The following OR5D3 variants were observed in gnomAD, a reference collection of about 807,000 sequenced individuals.
OR5D3 encodes olfactory receptor 5D3.
At chr11:55,726,664 T>C in the OR5D3 span, 2 of 399,918 alleles carry the variant, frequency 5.0e-6, no homozygotes, top group Non-Finnish European at 8.8e-6. Context: ...ATCATACTCT[T>C]GGAGTTTAGT....
At chr11:55,728,276 C>G in the OR5D3 span, 2 of 151,964 alleles carry the variant, frequency 1.3e-5, no homozygotes. Flanking sequence ...CGTCCAAGCC[C>G]CAAAGCAAGA....
the OR5D3 span, chr11:55,729,181 C>T: frequency 6.6e-6 from 1 of 151,540 alleles, no homozygotes; most frequent in African/African-American, 2.4e-5. Context: ...ATGCAATTTC[C>T]CCCCCAAATT....
At chr11:55,726,297 C>A in the OR5D3 span, 1 of 426,662 alleles carries the variant, frequency 2.3e-6, no homozygotes, top group Non-Finnish European at 4.2e-6. Flanking sequence ...TACCCCTGTT[C>A]CTGGTCTTCC....
the OR5D3 span, chr11:55,729,333 G>T: frequency 6.6e-6 from 1 of 151,848 alleles, no homozygotes; most frequent in Non-Finnish European, 1.5e-5. Flanking sequence ...TTTGTATGCT[G>T]CTCTTCTTTT....
the OR5D3 span, chr11:55,726,745 G>A: frequency 2.5e-6 from 1 of 398,774 alleles, no homozygotes; most frequent in African/African-American, 2.1e-5. Context: ...TAATAACTTT[G>A]TCTGTGAGCA....
the OR5D3 span, chr11:55,726,963 T>A: frequency 2.5e-6 from 1 of 400,438 alleles, no homozygotes; most frequent in Non-Finnish European, 4.4e-6. Flanking sequence ...CCATTACCAT[T>A]TTCCATGGGA....
chr11:55,726,160 A>G, the OR5D3 span: 1 of 397,976 alleles, frequency 2.5e-6, no homozygotes, highest in Non-Finnish European at 4.4e-6. Context: ...TCTGTTTCTT[A>G]TTGCACATAT....
the OR5D3 span, chr11:55,724,120 G>A: frequency 1.3e-5 from 5 of 395,176 alleles, no homozygotes; most frequent in South Asian, 1.3e-4. Context: ...GGTAATCTTA[G>A]TACCAGACAA....
the OR5D3 span, chr11:55,723,823 T>C: frequency 8.4e-6 from 3 of 357,786 alleles, no homozygotes; most frequent in East Asian, 1.2e-4. Context: ...AGTTTGGTGC[T>C]AGGACTTAGT....
At chr11:55,727,671 C>G in the OR5D3 span, 1 of 151,942 alleles carries the variant, frequency 6.6e-6, no homozygotes, top group Non-Finnish European at 1.5e-5. Context: ...TTAAGTTATA[C>G]TTGGTATTAT....
the OR5D3 span, chr11:55,727,078 A>G: frequency 4.9e-6 from 2 of 404,212 alleles, no homozygotes; most frequent in Non-Finnish European, 8.8e-6. Context: ...GAACCCCTTG[A>G]TCTATAGCCT....
At chr11:55,727,658 A>T in the OR5D3 span, 111,943 of 151,822 alleles carry the variant, frequency 0.74, 41,648 homozygotes, top group South Asian at 0.86. Context: ...GAATCTGGTA[A>T]AGTTAAGTTA....
the OR5D3 span, among the ~76,000 whole-genome samples, chr11:55,725,505 C>CA: frequency 4.6e-5 from 7 of 152,150 alleles, no homozygotes; most frequent in East Asian, 1.3e-3. Context: ...AAATGAAAAA[C>CA]TTTTCATTTA....
chr11:55,727,072 C>G, the OR5D3 span: 1 of 404,456 alleles, frequency 2.5e-6, no homozygotes. Context: ...CATGCTGAAC[C>G]CCTTGATCTA....
the OR5D3 span, chr11:55,726,761 C>T: frequency 5.0e-6 from 2 of 398,876 alleles, no homozygotes; most frequent in Non-Finnish European, 8.8e-6. Context: ...GAGCACGCTG[C>T]CATTGTTGCT....
At chr11:55,723,851 T>G in the OR5D3 span, 28 of 369,814 alleles carry the variant, frequency 7.6e-5, no homozygotes, top group East Asian at 1.1e-3. Context: ...TGTGACCTTA[T>G]CTCTGCTATC....
the OR5D3 span, chr11:55,726,354 G>A: frequency 2.1e-6 from 1 of 466,204 alleles, no homozygotes; most frequent in Non-Finnish European, 3.9e-6. Flanking sequence ...GCATGATCAT[G>A]GTCATCAGGA....
At chr11:55,723,786 G>A in the OR5D3 span, 2 of 332,158 alleles carry the variant, frequency 6.0e-6, no homozygotes, top group African/African-American at 4.3e-5. Flanking sequence ...AGGTCCCCAA[G>A]GCCTTGGGGG....
At chr11:55,726,505 A>G in the OR5D3 span, 1 of 438,240 alleles carries the variant, frequency 2.3e-6, no homozygotes, top group Non-Finnish European at 4.1e-6. Flanking sequence ...CACAGGATGC[A>G]TCATGCAATT....
Sources: allele counts gnomAD v4.1 joint callset (sites outside exome capture counted in the v4.1 genomes callset), GRCh38; gene constraint gnomAD v4.1.1; transcripts MANE v1.5; gene names NCBI Gene and HGNC (gene_info 2026-07-23, HGNC 2026-07-21).